The following VAC14 variants were observed in gnomAD, a reference collection of about 807,000 sequenced individuals.
The protein encoded by VAC14 is protein VAC14 homolog.
A neutral mutation model predicts 85.3 loss-of-function variants in VAC14; 47 were observed. The ratio of observed to expected loss-of-function variants is 0.55; its 90% CI spans 0.44 to 0.70. VAC14 has a LOEUF of 0.70. Ranked by LOEUF, VAC14 falls within the 30% of genes least tolerant of loss-of-function variation. The probability of loss-of-function intolerance (pLI) is 0.00; values close to 1 mark genes in which losing one functional copy is unlikely to be tolerated. For missense variants in VAC14, 861 were observed against 1,004.3 expected (o/e 0.86, Z 1.93); for synonymous variants, 447 against 430.5 (o/e 1.04, Z -0.47).
At chr16:70,739,577 G>A (rs766961028) in intron 13 of VAC14, among the ~76,000 whole-genome samples, 2 of 152,094 alleles carry the variant, frequency 1.3e-5, no homozygotes, top group Non-Finnish European at 2.9e-5. Context: ...GTGGGCTCTC[G>A]GGCCAGGCTC....
intron 18 of VAC14, chr16:70,691,434 G>A (rs2053593559): frequency 1.0e-6 from 1 of 985,326 alleles, no homozygotes. Flanking sequence ...GCAAAGGCTG[G>A]GCCAGCAAGG....
chr16:70,761,795 G>C (rs939111085), intron 12 of VAC14, among the ~76,000 whole-genome samples: 1 of 152,226 alleles, frequency 6.6e-6, no homozygotes, highest in Admixed American at 6.5e-5. Flanking sequence ...TTTCAAACTA[G>C]AGGTCATAAT....
intron 18 of VAC14, chr16:70,689,968 C>T: frequency 1.0e-6 from 1 of 985,514 alleles, no homozygotes; most frequent in Non-Finnish European, 1.2e-6. Flanking sequence ...ACAGGTGTGA[C>T]CCTAAAGTGT....
At chr16:70,745,506 TGTGTGTGTGTGTGCGC>T (rs922507588) in intron 12 of VAC14, among the ~76,000 whole-genome samples, 6 of 147,618 alleles carry the variant, frequency 4.1e-5, no homozygotes, top group African/African-American at 1.3e-4. Context: ...TGTGTGTGTG[TGTGTGTGTGTGTGCGC>T]GTGTGCGCGC....
intron 14 of VAC14, among the ~76,000 whole-genome samples, chr16:70,710,095 C>T (rs1295153124): frequency 6.6e-6 from 1 of 152,254 alleles, no homozygotes; most frequent in Non-Finnish European, 1.5e-5. Context: ...TGCCCTTGCA[C>T]GCCCCTGCCA....
chr16:70,698,228 CCT>C (rs762380417), intron 15 of VAC14, among the ~76,000 whole-genome samples: 5 of 152,180 alleles, frequency 3.3e-5, no homozygotes, highest in Admixed American at 6.5e-5. Context: ...GCTGTTAACC[CCT>C]GATTCGCCAG....
At chr16:70,740,293 C>T (rs1195446842) in intron 13 of VAC14, among the ~76,000 whole-genome samples, 1 of 152,164 alleles carries the variant, frequency 6.6e-6, no homozygotes, top group African/African-American at 2.4e-5. Context: ...AGCATTGGGC[C>T]CCGTGGCAGG....
intron 1 of VAC14, among the ~76,000 whole-genome samples, chr16:70,788,682 C>A (rs969711111): frequency 6.6e-6 from 1 of 152,240 alleles, no homozygotes; most frequent in Non-Finnish European, 1.5e-5. Flanking sequence ...GATGCTCTAC[C>A]AAACAGCTGG....
intron 12 of VAC14, among the ~76,000 whole-genome samples, chr16:70,749,436 T>C (rs2031195728): frequency 6.6e-6 from 1 of 152,252 alleles, no homozygotes; most frequent in South Asian, 2.1e-4. Context: ...GGAAATGTTG[T>C]CTACAGGTTC....
intron 12 of VAC14, chr16:70,755,997 T>C (rs1207646666): frequency 2.2e-6 from 1 of 456,668 alleles, no homozygotes; most frequent in Non-Finnish European, 4.4e-6. Flanking sequence ...TCATCAAGAA[T>C]TAAATCCCTT....
chr16:70,734,829 T>C (rs769532523), intron 13 of VAC14, among the ~76,000 whole-genome samples: 113 of 152,116 alleles, frequency 7.4e-4, no homozygotes, highest in Non-Finnish European at 1.5e-3. Context: ...TATGCACCAT[T>C]ACCATTCCCA....
At chr16:70,691,133 C>A in intron 18 of VAC14, 1 of 985,518 alleles carries the variant, frequency 1.0e-6, no homozygotes, top group Non-Finnish European at 1.2e-6. Context: ...AGGAAAGCCT[C>A]ATTTTCCCAG....
At chr16:70,743,909 G>A (rs1273072735) in intron 13 of VAC14, among the ~76,000 whole-genome samples, 3 of 152,154 alleles carry the variant, frequency 2.0e-5, no homozygotes, top group African/African-American at 7.2e-5. Flanking sequence ...GGGACCGAGG[G>A]GCGAGTGCTG....
At chr16:70,746,544 T>C (rs1016234580) in intron 12 of VAC14, among the ~76,000 whole-genome samples, 7 of 152,276 alleles carry the variant, frequency 4.6e-5, no homozygotes, top group African/African-American at 1.4e-4. Context: ...AGCCCAGTCA[T>C]ATGGCAGGAG....
At chr16:70,748,200 A>G (rs772418613) in intron 12 of VAC14, among the ~76,000 whole-genome samples, 10 of 152,182 alleles carry the variant, frequency 6.6e-5, no homozygotes, top group Non-Finnish European at 1.2e-4. Flanking sequence ...TCCAATCCTG[A>G]CCCTGGACCA....
chr16:70,718,850 G>A (rs1039818205), intron 14 of VAC14, among the ~76,000 whole-genome samples: 6 of 152,290 alleles, frequency 3.9e-5, no homozygotes, highest in East Asian at 1.9e-4. Context: ...TGTGGTGGCC[G>A]TGTCTCTGCC....
At chr16:70,709,149 C>A (rs879296901) in intron 14 of VAC14, among the ~76,000 whole-genome samples, 13 of 152,184 alleles carry the variant, frequency 8.5e-5, no homozygotes, top group Non-Finnish European at 1.5e-4. Context: ...TCAGCATGGG[C>A]CACTTGTGAT....
chr16:70,696,937 C>G (rs1275361616), intron 16 of VAC14: 1 of 527,170 alleles, frequency 1.9e-6, no homozygotes, highest in African/African-American at 1.9e-5. Context: ...AAGAGCCCCT[C>G]TTTGCTGCCA....
intron 18 of VAC14, chr16:70,691,165 T>C: frequency 2.0e-6 from 2 of 985,526 alleles, no homozygotes; most frequent in Non-Finnish European, 2.4e-6. Flanking sequence ...AAACTTGTTC[T>C]ACCCTGGTTT....
Sources: allele counts gnomAD v4.1 joint callset (sites outside exome capture counted in the v4.1 genomes callset), GRCh38; gene constraint gnomAD v4.1.1; transcripts MANE v1.5; gene names NCBI Gene and HGNC (gene_info 2026-07-23, HGNC 2026-07-21).